GRAMD4: variants seen among roughly 807,000 people sequenced by gnomAD.
GRAMD4 encodes GRAM domain containing 4, also known as GRAM domain-containing protein 4.
Under a neutral mutation model 83.9 loss-of-function variants are expected in GRAMD4, and 25 were observed. The observed-to-expected ratio is 0.30, with a 90% CI of 0.22 to 0.42. GRAMD4 has a LOEUF of 0.42. Among genes scored for constraint, GRAMD4 ranks in the 10% least tolerant of loss-of-function variants. GRAMD4 has a pLI of 1.00. For missense variants in GRAMD4, 593 were observed against 788.7 expected (o/e 0.75, Z 2.97); for synonymous variants, 336 against 320.9 (o/e 1.05, Z -0.50).
chr22:46,663,710 C>G, intron 6 of GRAMD4, 128 bp from the exon 7 acceptor site: 3 of 898,650 alleles, frequency 3.3e-6, no homozygotes. Context: ...ATTCTGTGCA[C>G]TCAAGGGGTC....
intron 1 of GRAMD4, among the ~76,000 whole-genome samples, chr22:46,585,739 A>C (rs1454755330): frequency 6.6e-6 from 1 of 152,124 alleles, no homozygotes; most frequent in Non-Finnish European, 1.5e-5. Context: ...TGGGATGGGG[A>C]AGGGCCTGAC....
chr22:46,631,417 C>A lies in GRAMD4; in HGVS notation c.162+4456C>A, dbSNP rs185484089. Among the ~76,000 whole-genome samples the A allele has an allele frequency of 4.0e-3, 591 of 149,428 alleles. 3 individuals are homozygous for A. The highest frequency in any genetic ancestry group is 0.014 in the African/African-American group (561 of 39,574). ...CCTGGGGACCGGGGATGGGTAGAACCTCACAGCCTGTGTCCTTTCGTCTCC... is the reference window on the plus strand; with the variant it reads ...CCTGGGGACCGGGGATGGGTAGAACATCACAGCCTGTGTCCTTTCGTCTCC... On this transcript the variant is annotated intron_variant, in intron 2 of 18. Transcript: ENST00000406902.
At chr22:46,662,995 C>A in intron 5 of GRAMD4, 45 bp from the exon 6 acceptor site, 1 of 1,540,608 alleles carries the variant, frequency 6.5e-7, no homozygotes, top group Non-Finnish European at 8.8e-7. Context: ...CCAGAACAGG[C>A]AGTGCAGCCC....
In GRAMD4 at chr22:46,677,279, A is replaced by C. The variant is rs2082613217; in HGVS notation, c.*28A>C. On this transcript the variant is annotated 3_prime_UTR_variant, in exon 19 of 19. Transcript: ENST00000406902. Reference sequence around the variant, plus strand: ...TTGACTTGCCCAGGACGTTGCTGGAATTTTCTTTTTCTTTTTCTTTTTCTT... The same window carrying C: ...TTGACTTGCCCAGGACGTTGCTGGACTTTTCTTTTTCTTTTTCTTTTTCTT... The C allele has an allele frequency of 6.4e-7, 1 of 1,569,490 alleles. No homozygotes were observed. The highest frequency in any genetic ancestry group is 8.6e-7 in the Non-Finnish European group (1 of 1,166,272).
chr22:46,672,542 G>A lies in GRAMD4; in HGVS notation c.1085-301G>A, dbSNP rs1033045442. 2.0e-5 allele frequency among the ~76,000 whole-genome samples: 3 copies of A among 151,714 alleles called. No individual in the cohort carries two copies. Among genetic ancestry groups the A allele is most frequent in the Non-Finnish European group, 4.4e-5 (3 of 67,934 alleles). On this transcript the variant is annotated intron_variant, in intron 13 of 18. Transcript: ENST00000406902. The surrounding 1 kb of genome is among the most constrained non-coding windows in gnomAD (Gnocchi z 4.7). ...GCCCTGAGCCAGGCGGAGTTGGAGA[G>A]AGAAGTGAGGGGCATTGGATGGGGG...
chr22:46,579,205 G>C (rs907647207), intron 1 of GRAMD4, among the ~76,000 whole-genome samples: 1 of 152,162 alleles, frequency 6.6e-6, no homozygotes, highest in African/African-American at 2.4e-5. Flanking sequence ...CCCTTCACTG[G>C]GAAAGAACCA....
At chr22:46,681,345 G>T (rs745724414), downstream of GRAMD4, among the ~76,000 whole-genome samples, 2 of 152,218 alleles carry the variant, frequency 1.3e-5, no homozygotes, top group Non-Finnish European at 2.9e-5. Flanking sequence ...CCTGTTTTGC[G>T]TATATTTCAC....
intron 4 of GRAMD4, 102 bp downstream of exon 4, chr22:46,658,409 A>G (rs2082277466): frequency 1.7e-6 from 2 of 1,194,858 alleles, no homozygotes; most frequent in South Asian, 2.9e-5. Context: ...TCTTGGCAGC[A>G]TCATTCTTGG....
intron 3 of GRAMD4, among the ~76,000 whole-genome samples, chr22:46,653,244 C>T (rs143686166): frequency 1.0e-3 from 157 of 152,340 alleles, no homozygotes; most frequent in African/African-American, 2.5e-3. Flanking sequence ...CCCGCTGCCC[C>T]GGGAGCCAGG....
chr22:46,679,821 C>G, downstream of GRAMD4: 9 of 982,720 alleles, frequency 9.2e-6, no homozygotes, highest in Non-Finnish European at 1.1e-5. Context: ...CAGGGCCACA[C>G]GCATTGTAGG....
chr22:46,587,822 G>A (rs2081165532), intron 1 of GRAMD4: 2 of 793,804 alleles, frequency 2.5e-6, no homozygotes, highest in East Asian at 2.5e-4. Flanking sequence ...GGTGGCAGAT[G>A]TTTGGTGGAG....
chr22:46,635,547 G>GAA (rs1569277460), intron 2 of GRAMD4, among the ~76,000 whole-genome samples: 32 of 29,924 alleles, frequency 1.1e-3, no homozygotes, highest in Admixed American at 2.0e-3. Flanking sequence ...GTCCTGGGAG[G>GAA]CCGTGTCCTC....
At chr22:46,592,102 C>T (rs2081215869) in intron 1 of GRAMD4, among the ~76,000 whole-genome samples, 1 of 152,132 alleles carries the variant, frequency 6.6e-6, no homozygotes, top group Admixed American at 6.5e-5. Context: ...GAGACCTCAT[C>T]CTGACGCCCA....
At chr22:46,583,709 G>A (rs547347649) in intron 1 of GRAMD4, among the ~76,000 whole-genome samples, 7 of 152,350 alleles carry the variant, frequency 4.6e-5, no homozygotes, top group Admixed American at 2.6e-4. Flanking sequence ...GGGGCATGGT[G>A]CCCTCTAACC....
At chr22:46,657,970 C>T (rs988984807) in intron 3 of GRAMD4, among the ~76,000 whole-genome samples, 6 of 152,176 alleles carry the variant, frequency 3.9e-5, no homozygotes, top group South Asian at 2.1e-4. Context: ...AGAGGAGCCC[C>T]GTTACTAGCT....
intron 3 of GRAMD4, among the ~76,000 whole-genome samples, chr22:46,642,147 A>G (rs1336874667): frequency 6.6e-6 from 1 of 152,260 alleles, no homozygotes; most frequent in Non-Finnish European, 1.5e-5. Flanking sequence ...TCCTTCTGAC[A>G]CAACCCAGTT....
rs57597761 is a variant in GRAMD4, at chr22:46,592,551, G to C, written c.-50+15261G>C. ...GTGGTGAACTCAGTCATTCACAGCC[G>C]GGAGGGGCTCGATTCAGTTACTTTC... On this transcript the variant is annotated intron_variant, in intron 1 of 1. Transcript: ENST00000431155. Among the ~76,000 whole-genome samples, 40 of 152,186 alleles carry C rather than the reference G, an allele frequency of 2.6e-4. 1 individual carries two copies. In the East Asian group the frequency reaches 7.7e-3, roughly 29 times the overall value.
intron 3 of GRAMD4, among the ~76,000 whole-genome samples, chr22:46,644,347 G>C (rs1014480839): frequency 2.0e-5 from 3 of 150,290 alleles, no homozygotes; most frequent in African/African-American, 7.4e-5. Flanking sequence ...TTTCTGTTCC[G>C]TGTTATACCT....
intron 1 of GRAMD4, among the ~76,000 whole-genome samples, chr22:46,601,809 T>C (rs754703669): frequency 1.3e-5 from 2 of 152,130 alleles, no homozygotes; most frequent in Non-Finnish European, 2.9e-5. Context: ...AAAACTTTTT[T>C]TTTAAGTTAA....
Sources: gnomAD v4.1 joint callset for allele counts (sites outside exome capture counted in the v4.1 genomes callset) on GRCh38, gnomAD v4.1.1 for gene constraint, Gnocchi (gnomAD v3.1) non-coding constraint, MANE v1.5 for transcripts, NCBI Gene and HGNC (gene_info 2026-07-23, HGNC 2026-07-21) for gene names.